DNAH5: variants seen among roughly 807,000 people sequenced by gnomAD.
DNAH5 encodes the protein axonemal beta dynein heavy chain 5.
A neutral mutation model predicts 518.2 loss-of-function variants in DNAH5; 372 were observed. The ratio of observed to expected loss-of-function variants is 0.72; its 90% CI spans 0.66 to 0.78. DNAH5 has a LOEUF of 0.78. Among genes scored for constraint, DNAH5 ranks in the 30% least tolerant of loss-of-function variants. DNAH5 has a pLI of 0.00. For missense variants in DNAH5, 5,523 were observed against 5,687.0 expected (o/e 0.97, Z 0.93); for synonymous variants, 2,039 against 2,025.9 (o/e 1.01, Z -0.17).
intron 21 of DNAH5, 25 bp from the exon 22 acceptor site, chr5:13,876,842 AC>A: frequency 6.2e-7 from 1 of 1,607,536 alleles, no homozygotes; most frequent in Non-Finnish European, 8.5e-7. Flanking sequence ...AGAAGAGAAA[AC>A]TTTACACTAC....
chr5:13,976,689 G>A (rs10042352), intron 1 of DNAH5, among the ~76,000 whole-genome samples: 62,637 of 137,140 alleles, frequency 0.46, 14,396 homozygotes, highest in East Asian at 0.75. Flanking sequence ...GTGTGTGTGT[G>A]TATATATATA....
intron 53 of DNAH5, among the ~76,000 whole-genome samples, chr5:13,780,447 G>A (rs1449124110): frequency 6.6e-6 from 1 of 152,178 alleles, no homozygotes; most frequent in African/African-American, 2.4e-5. Flanking sequence ...ATTCTGAAAT[G>A]TTGGAATGAG....
chr5:13,904,452 T>A (rs1350107404), intron 12 of DNAH5, among the ~76,000 whole-genome samples: 1 of 148,638 alleles, frequency 6.7e-6, no homozygotes, highest in Non-Finnish European at 1.5e-5. Flanking sequence ...GGATTATATA[T>A]GTGCATGTGA....
chr5:13,879,819 A>T (rs1771405571), intron 21 of DNAH5, among the ~76,000 whole-genome samples: 1 of 152,170 alleles, frequency 6.6e-6, no homozygotes, highest in South Asian at 2.1e-4. Context: ...CTTATGGGAC[A>T]CCATCAAGAG....
rs183860140 is a variant in DNAH5 at position 13,979,647 on chromosome 5, C to G, written c.12+32001G>C. The stretch of plus-strand genomic sequence containing the variant: ...CATTCTCTCTTGAATTCACCCCAAC[C>G]TGGCTTTTGTCCCCTCAGCTACATG... On this transcript the variant is annotated intron_variant, in intron 1 of 78. Coordinates refer to the DNAH5 transcript ENST00000681290. Among the ~76,000 whole-genome samples the G allele has an allele frequency of 3.3e-5, 5 of 152,314 alleles. No homozygotes were observed. The South Asian group carries it at 1.0e-3, about 32-fold the overall frequency.
At chr5:13,851,270 G>C (rs1766798930) in intron 30 of DNAH5, among the ~76,000 whole-genome samples, 1 of 151,976 alleles carries the variant, frequency 6.6e-6, no homozygotes, top group Admixed American at 6.6e-5. Flanking sequence ...AAATTTAATG[G>C]AAAATGCACA....
chr5:13,798,834 T>C (rs1758267421), intron 47 of DNAH5, among the ~76,000 whole-genome samples: 1 of 151,696 alleles, frequency 6.6e-6, no homozygotes, highest in Admixed American at 6.6e-5. Flanking sequence ...GAGTGCAATG[T>C]TGGCTAACTG....
At chr5:13,848,669 C>T (rs986358442) in intron 31 of DNAH5, among the ~76,000 whole-genome samples, 19 of 152,104 alleles carry the variant, frequency 1.2e-4, no homozygotes, top group African/African-American at 4.6e-4. Flanking sequence ...ACAAGGAGTA[C>T]GCAACCTAGA....
intron 1 of DNAH5, among the ~76,000 whole-genome samples, chr5:13,957,239 GACTACTA>G (rs1780821222): frequency 6.6e-6 from 1 of 152,194 alleles, no homozygotes; most frequent in Non-Finnish European, 1.5e-5. Flanking sequence ...GGAAACAGCT[GACTACTA>G]GTGGAGGTTA....
chr5:13,855,793 A>G lies in DNAH5; in HGVS notation c.4950+3659T>C, dbSNP rs550698477. Among the ~76,000 whole-genome samples, 3 of 152,320 alleles carry G rather than the reference A, an allele frequency of 2.0e-5. No homozygotes were observed. In the East Asian group the frequency reaches 5.8e-4, roughly 29 times the overall value. On this transcript the variant is annotated intron_variant, in intron 30 of 78. Coordinates refer to ENST00000265104, the MANE Select transcript of DNAH5 (RefSeq NM_001369.3). ...CAAAAGAATGCAAATCATAAAAAAC[A>G]GTCTCTCAGACCACAGTGCAATCAA...
chr5:13,761,978 G>C (rs1207996430), intron 60 of DNAH5, among the ~76,000 whole-genome samples: 1 of 152,198 alleles, frequency 6.6e-6, no homozygotes, highest in Non-Finnish European at 1.5e-5. Context: ...ACAAGTGTAA[G>C]TAGAATGTAG....
At chr5:13,864,828 C>G (rs571987957) in intron 27 of DNAH5, among the ~76,000 whole-genome samples, 191 bp from the exon 28 acceptor site, 1 of 152,072 alleles carries the variant, frequency 6.6e-6, no homozygotes, top group South Asian at 2.1e-4. Context: ...ATTGTCCTCT[C>G]CATTAGAAAA....
At chr5:13,796,915 A>C (rs1464685504) in intron 47 of DNAH5, among the ~76,000 whole-genome samples, 1 of 152,228 alleles carries the variant, frequency 6.6e-6, no homozygotes, top group Non-Finnish European at 1.5e-5. Context: ...CAACCATCTG[A>C]TCTTTGACAA....
chr5:13,784,722 T>A lies in DNAH5; in HGVS notation c.8820+1457A>T, dbSNP rs1755706680. Among the ~76,000 whole-genome samples, 3 of 152,356 alleles carry A rather than the reference T, an allele frequency of 2.0e-5. No homozygotes were observed. The South Asian group carries it at 6.2e-4, about 32-fold the overall frequency. On this transcript the variant is annotated intron_variant, in intron 52 of 78. Transcript: ENST00000265104. Reference sequence around the variant, plus strand: ...GGAAGACAGTGTCGAATCATTTTCTTTCTAACTAAAAGGATGTAGTCCGGA... The same window carrying A: ...GGAAGACAGTGTCGAATCATTTTCTATCTAACTAAAAGGATGTAGTCCGGA...
chr5:13,854,394 A>G (rs1443757282), intron 30 of DNAH5, among the ~76,000 whole-genome samples: 1 of 152,220 alleles, frequency 6.6e-6, no homozygotes, highest in African/African-American at 2.4e-5. Context: ...AGGAAAAACC[A>G]GAACCAGCCA....
chr5:13,996,564 A>C (rs1176914187), intron 1 of DNAH5, among the ~76,000 whole-genome samples: 1 of 152,338 alleles, frequency 6.6e-6, no homozygotes, highest in East Asian at 1.9e-4. Flanking sequence ...CCCTCCAAAA[A>C]GGAGTAATAG....
intron 1 of DNAH5, among the ~76,000 whole-genome samples, chr5:13,970,020 G>A (rs1326327479): frequency 6.6e-6 from 1 of 151,922 alleles, no homozygotes; most frequent in African/African-American, 2.4e-5. Flanking sequence ...TTTTCCTGTT[G>A]GACTAGTCCT....
intron 1 of DNAH5, among the ~76,000 whole-genome samples, chr5:13,966,835 T>C (rs958642620): frequency 5.3e-5 from 8 of 152,224 alleles, no homozygotes; most frequent in South Asian, 2.1e-4. Flanking sequence ...TCTTTTGCTA[T>C]GCTAAAGCAT....
At chr5:13,944,690 G>A, upstream of DNAH5, 1 of 541,638 alleles carries the variant, frequency 1.8e-6, no homozygotes, top group East Asian at 3.2e-5. Flanking sequence ...GGTGTTGTTA[G>A]GGTAATATTG....
Sources: gnomAD v4.1 joint callset for allele counts (sites outside exome capture counted in the v4.1 genomes callset) on GRCh38, gnomAD v4.1.1 for gene constraint, MANE v1.5 for transcripts, NCBI Gene and HGNC (gene_info 2026-07-23, HGNC 2026-07-21) for gene names.